The following EXOC6 variants were observed in gnomAD, a reference collection of about 807,000 sequenced individuals.
EXOC6 encodes the protein exocyst complex component 6.
EXOC6 carries 60 observed loss-of-function variants against 112.5 expected under a neutral mutation model. The observed-to-expected ratio is 0.53, with a 90% CI of 0.43 to 0.66. EXOC6 has a LOEUF of 0.66. EXOC6 is among the 30% of genes least tolerant of loss of function. The pLI is 0.00. For synonymous variants in EXOC6, 295 were observed against 308.0 expected, an observed-to-expected ratio of 0.96 and a Z score of 0.44; for missense variants, 855 against 957.1, an observed-to-expected ratio of 0.89 and a Z score of 1.41.
At chr10:93,007,260 G>T (rs1304119687) in intron 19 of EXOC6, among the ~76,000 whole-genome samples, 2 of 147,360 alleles carry the variant, frequency 1.4e-5, no homozygotes, top group Non-Finnish European at 3.0e-5. Context: ...TAGATCCTGA[G>T]GGGAAGGGCC....
rs1247478163 is a variant in EXOC6, at chr10:92,974,184, C to A, written c.1905C>A (p.Asp635Glu). The part of the protein sequence containing the change: ...PDGRASGYLM[D>E]LINFLRSIFQ... ...GAAGAGCTAGTGGTTATTTAATGGACCTTATAAATTTTTTGAGAAGCATCT... is the reference window on the plus strand; with the variant it reads ...GAAGAGCTAGTGGTTATTTAATGGAACTTATAAATTTTTTGAGAAGCATCT... Residue 635 changes from aspartate (D) to glutamate (E), a missense_variant, in exon 18 of 22, where the codon GAC (aspartate) becomes GAA (glutamate). By Grantham distance (45) the Asp-to-Glu change is conservative. Coordinates refer to ENST00000260762, the MANE Select transcript of EXOC6 (RefSeq NM_019053.6). The A allele has an allele frequency of 6.3e-7, 1 of 1,581,410 alleles. No individual in the cohort carries two copies. The highest frequency in any genetic ancestry group is 2.0e-5 in the Admixed American group (1 of 48,808).
intron 1 of EXOC6, among the ~76,000 whole-genome samples, chr10:92,860,265 C>CTTTTTTTT (rs35900396): frequency 3.4e-5 from 3 of 88,020 alleles, no homozygotes; most frequent in Non-Finnish European, 6.2e-5. Context: ...ATCTCCACAA[C>CTTTTTTTT]TTTTTTTTTT....
chr10:92,908,057 C>CTTTTTT lies in EXOC6; in HGVS notation c.459-1355_459-1350dup, dbSNP rs10632745. 8.5e-4 allele frequency among the ~76,000 whole-genome samples: 86 copies of CTTTTTT among 100,686 alleles called. 1 individual carries two copies. Among genetic ancestry groups the CTTTTTT allele is most frequent in the South Asian group, 1.1e-3 (3 of 2,716 alleles). The allele number at this position is 100,686 out of a possible 152,430, so 66.1% of individuals were successfully genotyped here. A position where few individuals can be genotyped will look rare whatever the true frequency, so the allele number is the denominator to read the frequency against. ...TTAAAACAGCTTTTGAATATAATGT[C>CTTTTTT]TTTTTTTTTTTTTTTTTTTTGAGAA... On this transcript the variant is annotated intron_variant, in intron 5 of 21. Transcript: ENST00000260762.
chr10:92,966,829 G>A (rs1159028262), intron 17 of EXOC6, among the ~76,000 whole-genome samples: 1 of 147,912 alleles, frequency 6.8e-6, no homozygotes, highest in Non-Finnish European at 1.5e-5. Flanking sequence ...GGGTCAAATG[G>A]TATTTCTAGT....
rs772898237 is a variant in EXOC6 at position 92,893,336 on chromosome 10, T to C, written c.102-13T>C. 7 of 1,570,720 alleles carry C rather than the reference T, an allele frequency of 4.5e-6. No individual in the cohort carries two copies. Among genetic ancestry groups the C allele is most frequent in the Non-Finnish European group, 6.0e-6 (7 of 1,158,348 alleles). On this transcript the variant is annotated splice_polypyrimidine_tract_variant and intron_variant, in intron 1 of 21. Coordinates refer to ENST00000260762, the MANE Select transcript of EXOC6 (RefSeq NM_019053.6). ...ACATTTTGGTTAATTTTAGCTTTCT[T>C]ATATACATTCAGGTCTGTGTATGAT...
chr10:93,047,815 G>T lies in EXOC6; in HGVS notation c.2170-9109G>T, dbSNP rs993158701. On this transcript the variant is annotated intron_variant, in intron 20 of 21. Coordinates refer to ENST00000260762, the MANE Select transcript of EXOC6 (RefSeq NM_019053.6). Reference sequence around the variant, plus strand: ...ACAAAGATTAGCTGGGTGTGGTGGCGTGTTCCTGTAATCCCAGCTACTCAG... The same window carrying T: ...ACAAAGATTAGCTGGGTGTGGTGGCTTGTTCCTGTAATCCCAGCTACTCAG... 3.9e-5 allele frequency among the ~76,000 whole-genome samples: 6 copies of T among 152,084 alleles called. No individual in the cohort carries two copies. The South Asian group carries it at 1.0e-3, about 26-fold the overall frequency.
chr10:92,927,583 A>G (rs568192928), intron 8 of EXOC6, among the ~76,000 whole-genome samples: 2 of 152,366 alleles, frequency 1.3e-5, no homozygotes, highest in South Asian at 4.1e-4. Flanking sequence ...AATGCTCTAT[A>G]GCCACATGTG....
chr10:92,975,793 G>C (rs1842550353), intron 18 of EXOC6, among the ~76,000 whole-genome samples: 1 of 136,708 alleles, frequency 7.3e-6, no homozygotes, highest in Non-Finnish European at 1.6e-5. Context: ...AGGGAGGTGG[G>C]GGGGTCAGCC....
At chr10:92,941,195 C>T (rs1335178888) in intron 13 of EXOC6, among the ~76,000 whole-genome samples, 7 of 152,162 alleles carry the variant, frequency 4.6e-5, no homozygotes, top group African/African-American at 7.2e-5. Flanking sequence ...TCTTTTGTGT[C>T]TGGATCATTT....
At chr10:93,011,266 T>C (rs948085592) in intron 19 of EXOC6, among the ~76,000 whole-genome samples, 2 of 147,180 alleles carry the variant, frequency 1.4e-5, no homozygotes, top group Non-Finnish European at 3.0e-5. Flanking sequence ...GTCCTAAGTA[T>C]TTTTTTTTAA....
chr10:93,056,512 C>T (rs1224366556), intron 20 of EXOC6, among the ~76,000 whole-genome samples: 1 of 152,020 alleles, frequency 6.6e-6, no homozygotes, highest in African/African-American at 2.4e-5. Flanking sequence ...ACATACTTAC[C>T]TCTAAGAAAA....
intron 1 of EXOC6, among the ~76,000 whole-genome samples, chr10:92,841,048 C>CT (rs1000135712): frequency 1.3e-5 from 2 of 152,140 alleles, no homozygotes; most frequent in Admixed American, 1.3e-4. Flanking sequence ...ACCTTACATA[C>CT]TTTTTGTGGT....
chr10:93,017,990 A>T (rs1844615925), intron 20 of EXOC6, among the ~76,000 whole-genome samples: 1 of 151,592 alleles, frequency 6.6e-6, no homozygotes, highest in South Asian at 2.1e-4. Flanking sequence ...AGCTTGGGCA[A>T]CAAGAGTGAA....
At chr10:92,908,298 G>T (rs1031724135) in intron 5 of EXOC6, among the ~76,000 whole-genome samples, 1 of 151,712 alleles carries the variant, frequency 6.6e-6, no homozygotes, top group African/African-American at 2.4e-5. Flanking sequence ...CAGGTGACCC[G>T]CCCACCTTAG....
upstream of EXOC6, among the ~76,000 whole-genome samples, chr10:92,847,062 C>T (rs1184677808): frequency 1.3e-5 from 2 of 152,190 alleles, no homozygotes; most frequent in African/African-American, 4.8e-5. Flanking sequence ...AACAAATTCT[C>T]CCGCAGAGTC....
At chr10:93,028,100 C>T (rs1343185499) in intron 20 of EXOC6, among the ~76,000 whole-genome samples, 1 of 151,912 alleles carries the variant, frequency 6.6e-6, no homozygotes, top group Non-Finnish European at 1.5e-5. Flanking sequence ...AGTTTGAGAC[C>T]AACCTGGACA....
intron 18 of EXOC6, among the ~76,000 whole-genome samples, chr10:92,980,353 A>G (rs1842783111): frequency 6.6e-6 from 1 of 152,230 alleles, no homozygotes; most frequent in African/African-American, 2.4e-5. Flanking sequence ...TGAAAATAGT[A>G]TGTAGAGAAG....
At chr10:93,049,186 T>C (rs1245893182) in intron 20 of EXOC6, among the ~76,000 whole-genome samples, 1 of 151,964 alleles carries the variant, frequency 6.6e-6, no homozygotes, top group African/African-American at 2.4e-5. Flanking sequence ...GCCTCCTGAG[T>C]AGCTGGGACT....
In EXOC6 at chr10:92,895,059, T is replaced by C. The variant is rs769580802; in HGVS notation, c.412+39T>C. The C allele has an allele frequency of 8.2e-6, 10 of 1,226,350 alleles. No individual in the cohort carries two copies. In the Admixed American group the frequency reaches 1.4e-4, roughly 17 times the overall value. 76.0% of individuals were successfully genotyped at this position (1,226,350 alleles called of 1,614,324 possible). On this transcript the variant is annotated intron_variant, in intron 4 of 21. Transcript: ENST00000260762. ...GTCTATAATAAAACGTTTGGCTTGG[T>C]AAAGTTGTAATTTAATAATAGCAAG...
Sources: gnomAD v4.1 joint callset for allele counts (sites outside exome capture counted in the v4.1 genomes callset) on GRCh38, gnomAD v4.1.1 for gene constraint, MANE v1.5 for transcripts, NCBI Gene and HGNC (gene_info 2026-07-23, HGNC 2026-07-21) for gene names.